C7orf57: variants seen among roughly 807,000 people sequenced by gnomAD.
C7orf57 encodes the protein chromosome 7 open reading frame 57.
In C7orf57, 33 loss-of-function variants were observed where a neutral mutation model predicts 39.0. The observed-to-expected ratio is 0.85, with a 90% CI of 0.64 to 1.13. The LOEUF is 1.13. Among genes scored for constraint, C7orf57 ranks in the 50% most tolerant of loss-of-function variants. The probability of loss-of-function intolerance (pLI) is 0.00; values close to 1 mark genes in which losing one functional copy is unlikely to be tolerated. For missense variants in C7orf57, 346 were observed against 362.3 expected, an observed-to-expected ratio of 0.95 and a Z score of 0.37; for synonymous variants, 124 against 137.1, an observed-to-expected ratio of 0.90 and a Z score of 0.67.
chr7:48,037,634 G>GA (rs1350649597), intron 2 of C7orf57, among the ~76,000 whole-genome samples: 1 of 152,096 alleles, frequency 6.6e-6, no homozygotes, highest in African/African-American at 2.4e-5. Flanking sequence ...AGAAGGCAGG[G>GA]AAGGCTATAT....
chr7:48,049,728 T>C (rs1290335923), intron 5 of C7orf57, among the ~76,000 whole-genome samples, 152 bp from the exon 6 acceptor site: 1 of 152,236 alleles, frequency 6.6e-6, no homozygotes, highest in African/African-American at 2.4e-5. Flanking sequence ...AATGAGATTA[T>C]TGCTGAATTA....
rs758103183 is a variant in C7orf57 at position 48,046,613 on chromosome 7, A to C, written c.504A>C (p.Lys168Asn). The C allele has an allele frequency of 1.4e-5, 23 of 1,611,840 alleles. No homozygotes were observed. The African/African-American group carries it at 2.3e-4, about 16-fold the overall frequency. ...REAEELEKEK[K>N]KLRLPAIDSK... ...CTGAGGAACTTGAAAAGGAGAAAAA[A>C]AAGGTGACGGGAGCCCATAAATAGA... is the stretch of plus-strand genomic sequence containing the variant. The change falls in exon 5 of 9, where the codon AAA becomes AAC. Residue 168 changes from lysine to asparagine, a missense_variant. Physicochemically the swap from Lys to Asn is moderately conservative, Grantham distance 94. Transcript: ENST00000348904.
chr7:48,047,329 G>A (rs1041562215), intron 5 of C7orf57, among the ~76,000 whole-genome samples: 4 of 152,152 alleles, frequency 2.6e-5, no homozygotes, highest in African/African-American at 7.2e-5. Context: ...TGAGTGAAAC[G>A]GTGAAGTTCA....
Position 48,043,461 on chromosome 7 carries a change from A to T in C7orf57, c.242-20A>T. On this transcript the variant is annotated intron_variant, in intron 3 of 8. Transcript: ENST00000348904. ...AGGGGCGGCGGGGTGTCTCACAGCC[A>T]TGTCATTTTCTCTTTTGAGATTTGT... The T allele has an allele frequency of 6.3e-7, 1 of 1,597,790 alleles. No homozygotes were observed. The highest frequency in any genetic ancestry group is 1.1e-5 in the South Asian group (1 of 90,406).
At chr7:48,060,118 CT>C in intron 8 of C7orf57, 107 bp from the exon 9 acceptor site, 1 of 643,838 alleles carries the variant, frequency 1.6e-6, no homozygotes, top group Non-Finnish European at 2.6e-6. Flanking sequence ...AGAAATAATC[CT>C]TATTAATAGG....
At position 48,052,703 on chromosome 7, in the gene C7orf57, T is replaced by C. The variant is rs1337257702; in HGVS notation, c.609T>C (p.Pro203=). ...AGSRLSFPPV[P]GQKNSSPTNF... Reference sequence around the variant, plus strand: ...CATTACTTTTACTCTTTTTAAGGCCTGGTCAAAAAAACAGTTCACCTACCA... The same window carrying C: ...CATTACTTTTACTCTTTTTAAGGCCCGGTCAAAAAAACAGTTCACCTACCA... Residue 203 remains proline (P), a synonymous_variant, in exon 7 of 9, where the codon CCT becomes CCC. Transcript: ENST00000348904. 6.2e-7 allele frequency: 1 copy of C among 1,613,520 alleles called. No individual in the cohort carries two copies. The highest frequency in any genetic ancestry group is 1.1e-5 in the South Asian group (1 of 91,068).
intron 7 of C7orf57, chr7:48,053,188 A>T: frequency 1.8e-6 from 1 of 563,076 alleles, no homozygotes. Context: ...TTGATAGTCC[A>T]TTTGATATAA....
chr7:48,053,983 A>T (rs1791036683), intron 7 of C7orf57, among the ~76,000 whole-genome samples: 1 of 152,166 alleles, frequency 6.6e-6, no homozygotes, highest in Admixed American at 6.5e-5. Flanking sequence ...GTTATTTGTA[A>T]GTGAGGTCAC....
chr7:48,038,026 T>A (rs1019254790), intron 2 of C7orf57, among the ~76,000 whole-genome samples: 3 of 152,238 alleles, frequency 2.0e-5, no homozygotes, highest in African/African-American at 2.4e-5. Flanking sequence ...TTGAACTGAA[T>A]ATGATCGGAG....
rs1554299654 is a variant in C7orf57, at chr7:48,051,754, C to CTTTCTTTCTTTCT, written c.606-943_606-931dup. On this transcript the variant is annotated intron_variant, in intron 6 of 8. Coordinates refer to ENST00000348904, the MANE Select transcript of C7orf57 (RefSeq NM_001100159.3). ...TTTTTCTTTTCTTTCTTTTTCTTTT[C>CTTTCTTTCTTTCT]TTTCTTTCTTTCTTTCTTTCTTTCT... Among the ~76,000 whole-genome samples the CTTTCTTTCTTTCT allele has an allele frequency of 1.6e-3, 21 of 12,892 alleles. 1 individual carries two copies. The highest frequency in any genetic ancestry group is 4.7e-3 in the African/African-American group (21 of 4,422). The allele number at this position is 12,892 out of a possible 152,430, so 8.5% of individuals were successfully genotyped here.
intron 8 of C7orf57, among the ~76,000 whole-genome samples, 176 bp downstream of exon 8, chr7:48,054,782 G>A (rs1347621186): frequency 1.3e-5 from 2 of 152,068 alleles, no homozygotes; most frequent in Non-Finnish European, 2.9e-5. Context: ...AAAAATCAGA[G>A]TTCCAGAAAC....
chr7:48,046,619 G>A lies in C7orf57; in HGVS notation c.507+3G>A, dbSNP rs1790725038. 1 of 1,610,682 alleles carries A rather than the reference G, an allele frequency of 6.2e-7. No homozygotes were observed. Among genetic ancestry groups the A allele is most frequent in the Non-Finnish European group, 8.5e-7 (1 of 1,178,446 alleles). On this transcript the variant is annotated splice_donor_region_variant and intron_variant, in intron 5 of 8. Coordinates refer to ENST00000348904, the MANE Select transcript of C7orf57 (RefSeq NM_001100159.3). ...AACTTGAAAAGGAGAAAAAAAAGGT[G>A]ACGGGAGCCCATAAATAGACGGCAT...
chr7:48,038,462 T>G (rs1224413210), intron 2 of C7orf57, among the ~76,000 whole-genome samples: 3 of 152,048 alleles, frequency 2.0e-5, no homozygotes, highest in Non-Finnish European at 2.9e-5. Flanking sequence ...GCTCACGTAA[T>G]TGTGGAGTCT....
intron 8 of C7orf57, among the ~76,000 whole-genome samples, chr7:48,056,687 T>C (rs1484349042): frequency 6.6e-6 from 1 of 152,172 alleles, no homozygotes; most frequent in East Asian, 1.9e-4. Context: ...TTAAAAATAA[T>C]TGAAATCCCA....
At chr7:48,041,048 T>C (rs571875470) in intron 2 of C7orf57, among the ~76,000 whole-genome samples, 1 of 152,210 alleles carries the variant, frequency 6.6e-6, no homozygotes, top group Non-Finnish European at 1.5e-5. Flanking sequence ...CTTGGGTACC[T>C]CCCTGGGAAG....
chr7:48,043,287 A>G (rs893406415), intron 3 of C7orf57, among the ~76,000 whole-genome samples, 194 bp from the exon 4 acceptor site: 3 of 152,188 alleles, frequency 2.0e-5, no homozygotes, highest in Non-Finnish European at 4.4e-5. Flanking sequence ...GCCTGAGCAC[A>G]AAGCAGGACG....
Position 48,041,457 on chromosome 7 carries a change from G to T in C7orf57, c.179G>T (p.Arg60Ile). The T allele has an allele frequency of 6.2e-7, 1 of 1,613,856 alleles. No homozygotes were observed. Among genetic ancestry groups the T allele is most frequent in the South Asian group, 1.1e-5 (1 of 91,034 alleles). The stretch of plus-strand genomic sequence containing the variant: ...AGCGAGAACCTGCCTGGGACTCGGA[G>T]ATACTGGATAAAAGAAACAGATTCG... ...SHSENLPGTRRYWIKETDSEY... is the reference protein window; with the variant it reads ...SHSENLPGTRIYWIKETDSEY... The change falls in exon 3 of 9, where the codon AGA becomes ATA. Residue 60 changes from arginine to isoleucine, a missense_variant. Arg to Ile is a moderately conservative substitution (Grantham distance 97). Coordinates refer to ENST00000348904, the MANE Select transcript of C7orf57 (RefSeq NM_001100159.3).
In C7orf57 at chr7:48,052,715, C is replaced by A; in HGVS notation, c.621C>A (p.Asn207Lys). 6.2e-7 allele frequency: 1 copy of A among 1,613,866 alleles called. No homozygotes were observed. Among genetic ancestry groups the A allele is most frequent in the Non-Finnish European group, 8.5e-7 (1 of 1,179,782 alleles). The change falls in exon 7 of 9, where the codon AAC becomes AAA. Residue 207 changes from asparagine to lysine, a missense_variant. Coordinates refer to ENST00000348904, the MANE Select transcript of C7orf57 (RefSeq NM_001100159.3). ...TCTTTTTAAGGCCTGGTCAAAAAAA[C>A]AGTTCACCTACCAATTTTTCCAAAC... Reference protein sequence around the residue: ...LSFPPVPGQKNSSPTNFSKLI... With the variant: ...LSFPPVPGQKKSSPTNFSKLI...
At chr7:48,054,412 C>CA (rs35256733) in intron 7 of C7orf57, among the ~76,000 whole-genome samples, 183 bp from the exon 8 acceptor site, 13,103 of 85,904 alleles carry the variant, frequency 0.15, 1,228 homozygotes, top group African/African-American at 0.31. Context: ...GAAACTCTCT[C>CA]AAAAAAAAAA....
Sources: allele counts gnomAD v4.1 joint callset (sites outside exome capture counted in the v4.1 genomes callset), GRCh38; gene constraint gnomAD v4.1.1; transcripts MANE v1.5; gene names NCBI Gene and HGNC (gene_info 2026-07-23, HGNC 2026-07-21).